RBMS3: variants seen among roughly 807,000 people sequenced by gnomAD.
RBMS3 encodes RNA binding motif single stranded interacting protein 3, also known as RNA-binding motif, single-stranded-interacting protein 3.
RBMS3 carries 27 observed loss-of-function variants against 66.8 expected under a neutral mutation model. That is an observed-to-expected ratio of 0.40 (90% CI 0.30 to 0.56). The LOEUF (loss-of-function observed/expected upper bound fraction) is 0.56, where lower values mean the gene tolerates loss of function less well. RBMS3 is among the 20% of genes least tolerant of loss of function. The pLI, the probability that RBMS3 is intolerant of heterozygous loss-of-function variation, is 0.40. For synonymous variants in RBMS3, 188 were observed against 183.0 expected, an observed-to-expected ratio of 1.03 and a Z score of -0.22; for missense variants, 513 against 549.5, an observed-to-expected ratio of 0.93 and a Z score of 0.66.
chr3:29,361,520 T>C (rs1021134374), intron 1 of RBMS3, among the ~76,000 whole-genome samples: 6 of 152,238 alleles, frequency 3.9e-5, no homozygotes, highest in Non-Finnish European at 5.9e-5. Context: ...CTGACAATTA[T>C]GTGTCTTGGA....
chr3:29,669,730 C>T (rs1333558656), intron 4 of RBMS3, among the ~76,000 whole-genome samples: 1 of 151,966 alleles, frequency 6.6e-6, no homozygotes, highest in Non-Finnish European at 1.5e-5. Context: ...CACTTTCTTC[C>T]TCCTTTTTGT....
At chr3:29,340,452 C>T (rs2036217914) in intron 1 of RBMS3, among the ~76,000 whole-genome samples, 1 of 151,998 alleles carries the variant, frequency 6.6e-6, no homozygotes, top group Admixed American at 6.6e-5. Context: ...AAAAGTTTTC[C>T]CTGGACTTAA....
At chr3:29,899,880 C>G (rs772301729) in intron 10 of RBMS3, 125 bp downstream of exon 10, 6 of 872,180 alleles carry the variant, frequency 6.9e-6, no homozygotes, top group Admixed American at 5.0e-5. Flanking sequence ...GCCATATTCT[C>G]CAGATAAAAA....
chr3:29,504,354 A>G (rs1378082786), intron 3 of RBMS3, among the ~76,000 whole-genome samples: 2 of 152,260 alleles, frequency 1.3e-5, no homozygotes, highest in East Asian at 1.9e-4. Context: ...ATGAACCCAA[A>G]TAAAGTGGAA....
intron 6 of RBMS3, among the ~76,000 whole-genome samples, chr3:29,867,746 A>G (rs544983389): frequency 6.6e-6 from 1 of 151,676 alleles, no homozygotes; most frequent in South Asian, 2.1e-4. Flanking sequence ...ACAATATTAT[A>G]TAGCAAGAGG....
chr3:29,919,092 A>G (rs1276361913), intron 10 of RBMS3, among the ~76,000 whole-genome samples: 3 of 152,120 alleles, frequency 2.0e-5, no homozygotes, highest in Non-Finnish European at 4.4e-5. Context: ...GTTTTTCCTG[A>G]TTAAATTTTA....
intron 4 of RBMS3, among the ~76,000 whole-genome samples, chr3:29,633,200 T>G (rs574225453): frequency 9.2e-5 from 14 of 151,854 alleles, no homozygotes; most frequent in African/African-American, 3.4e-4. Context: ...CCAAGAGAAT[T>G]ATTTGTACTG....
intron 1 of RBMS3, among the ~76,000 whole-genome samples, chr3:29,431,590 C>T (rs528534426): frequency 6.6e-6 from 1 of 151,998 alleles, no homozygotes; most frequent in African/African-American, 2.4e-5. Flanking sequence ...CGCGCCCAGC[C>T]AAAAAACGTT....
At chr3:29,739,249 G>A (rs1479010644) in intron 4 of RBMS3, among the ~76,000 whole-genome samples, 3 of 152,054 alleles carry the variant, frequency 2.0e-5, no homozygotes, top group Admixed American at 6.5e-5. Flanking sequence ...GTCAGGAGGA[G>A]ATGGAGACCA....
chr3:29,471,718 G>GTTTTTTTTTTTTTTTTTT (rs397793236), intron 2 of RBMS3, among the ~76,000 whole-genome samples: 5 of 71,170 alleles, frequency 7.0e-5, no homozygotes, highest in Non-Finnish European at 1.1e-4. Flanking sequence ...TGAGGACTTA[G>GTTTTTTTTTTTTTTTTTT]TTTTTTTTTT....
intron 10 of RBMS3, among the ~76,000 whole-genome samples, chr3:29,910,228 G>A (rs1005324419): frequency 6.6e-6 from 1 of 151,932 alleles, no homozygotes. Context: ...AGTTACCAGG[G>A]CGACAATCAT....
intron 14 of RBMS3, among the ~76,000 whole-genome samples, chr3:29,996,407 A>C (rs1018689140): frequency 6.7e-6 from 1 of 149,646 alleles, no homozygotes; most frequent in South Asian, 2.2e-4. Flanking sequence ...TCAGCTCTGC[A>C]CCAAGCGGAC....
intron 1 of RBMS3, among the ~76,000 whole-genome samples, chr3:29,327,595 C>G (rs950536812): frequency 1.3e-5 from 2 of 152,040 alleles, no homozygotes; most frequent in Non-Finnish European, 2.9e-5. Flanking sequence ...CTGAGTTGGA[C>G]TTGTGTATTT....
intron 7 of RBMS3, among the ~76,000 whole-genome samples, chr3:29,870,947 C>T (rs2059476989): frequency 2.6e-5 from 4 of 151,964 alleles, no homozygotes; most frequent in South Asian, 2.1e-4. Flanking sequence ...TTAATTTGTA[C>T]ACTTTGATTG....
At chr3:29,499,515 A>G (rs1446286691) in intron 3 of RBMS3, among the ~76,000 whole-genome samples, 1 of 152,210 alleles carries the variant, frequency 6.6e-6, no homozygotes, top group Non-Finnish European at 1.5e-5. Flanking sequence ...TATTGGCAAT[A>G]TAAGTACTTT....
Position 29,611,035 on chromosome 3 carries a change from G to A in RBMS3, c.399+23830G>A, listed in dbSNP as rs1304364869. On this transcript the variant is annotated intron_variant, in intron 4 of 14. Coordinates refer to ENST00000383767, the MANE Select transcript of RBMS3 (RefSeq NM_001003793.3). ...ATGAGATACTTCCATTTGTGGTAGG[G>A]CATCTTGTTCTGCCCCAAATGAGAT... Among the ~76,000 whole-genome samples the A allele has an allele frequency of 2.0e-5, 3 of 152,076 alleles. No homozygotes were observed. In the East Asian group the frequency reaches 5.8e-4, roughly 29 times the overall value.
intron 1 of RBMS3, among the ~76,000 whole-genome samples, chr3:29,399,828 T>G (rs982194018): frequency 1.3e-5 from 2 of 152,070 alleles, no homozygotes; most frequent in Non-Finnish European, 2.9e-5. Context: ...AGAAGTAAAA[T>G]GAAGGACAAT....
intron 12 of RBMS3, among the ~76,000 whole-genome samples, chr3:29,952,140 C>T (rs949815844): frequency 5.3e-5 from 8 of 151,714 alleles, no homozygotes; most frequent in African/African-American, 1.7e-4. Context: ...TGATTATATG[C>T]ATGATAGCAG....
intron 4 of RBMS3, among the ~76,000 whole-genome samples, chr3:29,727,522 A>C (rs2053937532): frequency 6.6e-6 from 1 of 152,220 alleles, no homozygotes. Flanking sequence ...ACAAGAAAAA[A>C]ACAACCCTAT....
Sources: gnomAD v4.1 joint callset for allele counts (sites outside exome capture counted in the v4.1 genomes callset) on GRCh38, gnomAD v4.1.1 for gene constraint, MANE v1.5 for transcripts, NCBI Gene and HGNC (gene_info 2026-07-23, HGNC 2026-07-21) for gene names.